KCNT2: variants seen among roughly 807,000 people sequenced by gnomAD.
The protein encoded by KCNT2 is potassium channel subfamily T member 2.
In KCNT2, 67 loss-of-function variants were observed where a neutral mutation model predicts 153.8. The ratio of observed to expected loss-of-function variants is 0.44; its 90% CI spans 0.36 to 0.53. The LOEUF (loss-of-function observed/expected upper bound fraction) is 0.53. Among genes scored for constraint, KCNT2 ranks in the 20% least tolerant of loss-of-function variants. KCNT2 has a pLI of 0.00. For missense variants in KCNT2, 975 were observed against 1,354.8 expected (o/e 0.72, Z 4.40); for synonymous variants, 500 against 458.8 (o/e 1.09, Z -1.15).
intron 14 of KCNT2, among the ~76,000 whole-genome samples, chr1:196,360,805 A>AATTT (rs1486504208): frequency 6.6e-6 from 1 of 152,038 alleles, no homozygotes; most frequent in Non-Finnish European, 1.5e-5. Flanking sequence ...GGAAAAAATA[A>AATTT]ACTTCTGTTG....
chr1:196,599,339 G>C (rs1450964023), intron 1 of KCNT2, among the ~76,000 whole-genome samples: 1 of 152,184 alleles, frequency 6.6e-6, no homozygotes, highest in African/African-American at 2.4e-5. Context: ...TTACAAGATG[G>C]CTAAGTGTGC....
chr1:196,466,492 C>A (rs889103474), intron 7 of KCNT2, among the ~76,000 whole-genome samples: 2 of 151,980 alleles, frequency 1.3e-5, no homozygotes, highest in African/African-American at 4.8e-5. Flanking sequence ...GTCATAATGT[C>A]ATTTTAAAAC....
chr1:196,273,630 C>T (rs1480618934), intron 25 of KCNT2: 4 of 571,004 alleles, frequency 7.0e-6, no homozygotes, highest in Admixed American at 2.9e-5. Context: ...GCATATTTCT[C>T]GTATGGCTTT....
intron 14 of KCNT2, among the ~76,000 whole-genome samples, chr1:196,363,948 T>C (rs1282242161): frequency 6.6e-6 from 1 of 152,168 alleles, no homozygotes; most frequent in Non-Finnish European, 1.5e-5. Flanking sequence ...TCTTTTTTGT[T>C]TATATACATT....
At chr1:196,232,053 T>C (rs1654003778) in intron 27 of KCNT2, among the ~76,000 whole-genome samples, 1 of 151,826 alleles carries the variant, frequency 6.6e-6, no homozygotes, top group South Asian at 2.1e-4. Flanking sequence ...TCACAAAATA[T>C]ACTCCTTAAT....
chr1:196,418,321 C>CA (rs1291611255), intron 12 of KCNT2, among the ~76,000 whole-genome samples: 3 of 151,950 alleles, frequency 2.0e-5, no homozygotes, highest in East Asian at 1.9e-4. Context: ...ACTAAAAACA[C>CA]AAAAAATAAA....
At chr1:196,473,389 T>C (rs1421011786) in intron 5 of KCNT2, among the ~76,000 whole-genome samples, 3 of 152,166 alleles carry the variant, frequency 2.0e-5, no homozygotes, top group Non-Finnish European at 4.4e-5. Flanking sequence ...ACCAGTGTAT[T>C]TCAGGATTGC....
At chr1:196,445,904 C>T (rs141387207) in intron 8 of KCNT2, among the ~76,000 whole-genome samples, 2 of 147,810 alleles carry the variant, frequency 1.4e-5, no homozygotes, top group Non-Finnish European at 3.0e-5. Context: ...GCCTCTTAGA[C>T]CAAAAAAAAA....
At chr1:196,456,065 C>A (rs1676643875) in intron 8 of KCNT2, among the ~76,000 whole-genome samples, 1 of 152,022 alleles carries the variant, frequency 6.6e-6, no homozygotes, top group Non-Finnish European at 1.5e-5. Context: ...CTCAGGCTCT[C>A]CAGTTTCCCC....
At chr1:196,317,242 G>A (rs1320439887) in intron 20 of KCNT2, 1 of 452,988 alleles carries the variant, frequency 2.2e-6, no homozygotes, top group Admixed American at 2.4e-5. Context: ...AGGAACAATG[G>A]TCTGTGGCAG....
intron 1 of KCNT2, among the ~76,000 whole-genome samples, chr1:196,597,706 T>C (rs1014376778): frequency 2.6e-5 from 4 of 152,172 alleles, no homozygotes; most frequent in Admixed American, 1.3e-4. Flanking sequence ...ACATACAAAT[T>C]TGTGGAAGTC....
chr1:196,352,278 T>C (rs1436677101), intron 14 of KCNT2, among the ~76,000 whole-genome samples: 3 of 152,144 alleles, frequency 2.0e-5, no homozygotes, highest in African/African-American at 7.2e-5. Flanking sequence ...TCAGAAGGAA[T>C]GGTACCAGTT....
At chr1:196,369,939 C>T (rs531855136) in intron 14 of KCNT2, among the ~76,000 whole-genome samples, 1 of 152,156 alleles carries the variant, frequency 6.6e-6, no homozygotes, top group East Asian at 1.9e-4. Context: ...CAAAAGAAGA[C>T]ATTTATGCAG....
intron 1 of KCNT2, among the ~76,000 whole-genome samples, chr1:196,520,050 A>C (rs1410175167): frequency 6.6e-6 from 1 of 152,154 alleles, no homozygotes; most frequent in Admixed American, 6.5e-5. Flanking sequence ...GTATGCAAAA[A>C]TTGTCAACAA....
intron 16 of KCNT2, among the ~76,000 whole-genome samples, chr1:196,339,790 A>T (rs866205404): frequency 3.0e-4 from 45 of 152,078 alleles, no homozygotes; most frequent in African/African-American, 8.4e-4. Flanking sequence ...ATTTGCATGG[A>T]GGTATTTTTT....
intron 23 of KCNT2, among the ~76,000 whole-genome samples, chr1:196,283,726 TA>T (rs1210498866): frequency 6.6e-6 from 1 of 152,110 alleles, no homozygotes; most frequent in Admixed American, 6.5e-5. Flanking sequence ...AAGTGTTTTT[TA>T]AAAAAGCCAC....
chr1:196,262,648 G>A (rs1657135833), intron 25 of KCNT2, among the ~76,000 whole-genome samples: 1 of 151,774 alleles, frequency 6.6e-6, no homozygotes, highest in Non-Finnish European at 1.5e-5. Flanking sequence ...AAAATCTAAA[G>A]AAAGATGTTT....
intron 14 of KCNT2, among the ~76,000 whole-genome samples, chr1:196,345,533 G>T (rs1446389036): frequency 6.6e-6 from 1 of 152,122 alleles, no homozygotes; most frequent in Non-Finnish European, 1.5e-5. Flanking sequence ...ACTGTACTAT[G>T]GCTTTGACCT....
chr1:196,479,595 G>C (rs910097135), intron 4 of KCNT2, among the ~76,000 whole-genome samples: 1 of 151,998 alleles, frequency 6.6e-6, no homozygotes, highest in African/African-American at 2.4e-5. Context: ...TTTTTAAATA[G>C]AAATGGGGTT....
Sources: allele counts gnomAD v4.1 joint callset (sites outside exome capture counted in the v4.1 genomes callset), GRCh38; gene constraint gnomAD v4.1.1; transcripts MANE v1.5; gene names NCBI Gene and HGNC (gene_info 2026-07-23, HGNC 2026-07-21).